The following TMEM45B variants were observed in gnomAD, a reference collection of about 807,000 sequenced individuals.
TMEM45B encodes the protein transmembrane protein 45B.
A neutral mutation model predicts 27.3 loss-of-function variants in TMEM45B; 29 were observed. The ratio of observed to expected loss-of-function variants is 1.06; its 90% CI spans 0.79 to 1.45. TMEM45B has a LOEUF of 1.45. TMEM45B is among the 40% of genes most tolerant of loss of function. The pLI, the probability that TMEM45B is intolerant of heterozygous loss-of-function variation, is 0.00. For missense variants in TMEM45B, 348 were observed against 343.9 expected (o/e 1.01, Z -0.09); for synonymous variants, 143 against 134.7 (o/e 1.06, Z -0.43).
chr11:129,843,319 A>T (rs1947718576), intron 1 of TMEM45B, among the ~76,000 whole-genome samples: 1 of 152,198 alleles, frequency 6.6e-6, no homozygotes, highest in Non-Finnish European at 1.5e-5. Flanking sequence ...TTTGTAGTTT[A>T]TCTGCTATCG....
At chr11:129,853,831 G>A (rs748384681) in intron 2 of TMEM45B, among the ~76,000 whole-genome samples, 53 of 152,204 alleles carry the variant, frequency 3.5e-4, no homozygotes, top group Non-Finnish European at 6.3e-4. Context: ...CTGGGAAACG[G>A]AGTCCAAAAT....
At chr11:129,826,738 C>T (rs1453457783) in intron 1 of TMEM45B, among the ~76,000 whole-genome samples, 9 of 145,222 alleles carry the variant, frequency 6.2e-5, no homozygotes, top group Admixed American at 3.5e-4. Flanking sequence ...GACGGAGTCT[C>T]GATCTGTCAC....
intron 1 of TMEM45B, among the ~76,000 whole-genome samples, chr11:129,825,055 A>G (rs930764194): frequency 1.3e-5 from 2 of 152,214 alleles, no homozygotes; most frequent in African/African-American, 2.4e-5. Flanking sequence ...TGGTTAGCCA[A>G]TGGAACATTT....
intron 1 of TMEM45B, among the ~76,000 whole-genome samples, chr11:129,819,379 G>A (rs951708364): frequency 6.6e-6 from 1 of 152,120 alleles, no homozygotes; most frequent in African/African-American, 2.4e-5. Context: ...CTGGGAAAGG[G>A]GTTCCGATAT....
At chr11:129,826,863 A>T (rs1287842732) in intron 1 of TMEM45B, among the ~76,000 whole-genome samples, 1 of 151,634 alleles carries the variant, frequency 6.6e-6, no homozygotes, top group Non-Finnish European at 1.5e-5. Flanking sequence ...ACCCACCACC[A>T]TGCCCGGCTA....
chr11:129,830,005 C>T (rs1472312210), intron 1 of TMEM45B, among the ~76,000 whole-genome samples: 1 of 152,140 alleles, frequency 6.6e-6, no homozygotes, highest in Non-Finnish European at 1.5e-5. Context: ...AAGTTGGATC[C>T]CTACCTCACA....
At chr11:129,853,263 G>A (rs692327) in intron 2 of TMEM45B, among the ~76,000 whole-genome samples, 80,194 of 152,094 alleles carry the variant, frequency 0.53, 21,240 homozygotes, top group Middle Eastern at 0.57. Context: ...GCTCCACTGC[G>A]GCCCTCCAGG....
At chr11:129,843,467 T>A (rs1252692242) in intron 1 of TMEM45B, among the ~76,000 whole-genome samples, 1 of 152,206 alleles carries the variant, frequency 6.6e-6, no homozygotes, top group Non-Finnish European at 1.5e-5. Flanking sequence ...GTATTTGCAG[T>A]TTTGATTTCT....
chr11:129,857,515 A>G (rs1947947783), intron 5 of TMEM45B, 57 bp downstream of exon 5: 1 of 1,597,538 alleles, frequency 6.3e-7, no homozygotes, highest in Non-Finnish European at 8.6e-7. Flanking sequence ...GACTGATGTG[A>G]TTAACTTGCA....
At chr11:129,844,371 C>CAGG (rs1295608695) in intron 1 of TMEM45B, among the ~76,000 whole-genome samples, 1 of 152,080 alleles carries the variant, frequency 6.6e-6, no homozygotes, top group Non-Finnish European at 1.5e-5. Context: ...ACCTAATGTA[C>CAGG]AGGAGGGTGA....
intron 1 of TMEM45B, among the ~76,000 whole-genome samples, chr11:129,820,043 G>A (rs532660906): frequency 6.6e-5 from 10 of 152,088 alleles, no homozygotes; most frequent in Non-Finnish European, 1.3e-4. Flanking sequence ...GCCAGACACA[G>A]TGGCTCACGC....
intron 1 of TMEM45B, among the ~76,000 whole-genome samples, chr11:129,833,494 G>T (rs1947579184): frequency 6.6e-6 from 1 of 151,980 alleles, no homozygotes; most frequent in South Asian, 2.1e-4. Flanking sequence ...GAACTTTAGG[G>T]CCAGGCGCAG....
chr11:129,823,340 G>A (rs1461654267), intron 1 of TMEM45B, among the ~76,000 whole-genome samples: 5 of 152,032 alleles, frequency 3.3e-5, no homozygotes, highest in South Asian at 2.1e-4. Flanking sequence ...GATAGGAATC[G>A]TTCCTGCTTT....
Position 129,858,820 on chromosome 11 carries a change from G to A in TMEM45B, c.*135G>A. ...CACCTCCTCATTCAACACAGGGCTGGAGGTTCTACAACAGGAAATCAGGCC... is the reference window on the plus strand; with the variant it reads ...CACCTCCTCATTCAACACAGGGCTGAAGGTTCTACAACAGGAAATCAGGCC... On this transcript the variant is annotated 3_prime_UTR_variant, in exon 6 of 6. Transcript: ENST00000281441. 1 of 593,546 alleles carries A rather than the reference G, an allele frequency of 1.7e-6. No homozygotes were observed. The highest frequency in any genetic ancestry group is 2.9e-6 in the Non-Finnish European group (1 of 347,290). The allele number at this position is 593,546 out of a possible 1,614,324, so 36.8% of individuals were successfully genotyped here.
intron 5 of TMEM45B, 125 bp from the exon 6 acceptor site, chr11:129,858,449 T>C (rs567538718): frequency 1.1e-5 from 7 of 613,890 alleles, no homozygotes; most frequent in African/African-American, 9.3e-5. Flanking sequence ...TTTATAGACA[T>C]GTAATCACAG....
In TMEM45B at chr11:129,820,758, T is replaced by C. The variant is rs1158534337; in HGVS notation, c.-9+4860T>C. On this transcript the variant is annotated intron_variant, in intron 1 of 5. Coordinates refer to ENST00000281441, the MANE Select transcript of TMEM45B (RefSeq NM_138788.5). ...TACTTTATTTTTTAATTATCTGCTT[T>C]GGTCAACATAAATCAATGTATAGTC... 1.3e-4 allele frequency among the ~76,000 whole-genome samples: 20 copies of C among 152,360 alleles called. No individual in the cohort carries two copies. The South Asian group carries it at 3.3e-3, about 25-fold the overall frequency.
At position 129,854,737 on chromosome 11, in the gene TMEM45B, T is replaced by G; in HGVS notation, c.306T>G (p.Val102=). 1 of 1,614,232 alleles carries G rather than the reference T, an allele frequency of 6.2e-7. No homozygotes were observed. The highest frequency in any genetic ancestry group is 2.2e-5 in the East Asian group (1 of 44,882). ...MYLFFAVSGI[V]DMLTYLVSHV... ...TATTCTTTGCAGTCTCAGGAATTGT[T>G]GACATGCTCACCTATCTGGTCAGCC... The change falls in exon 3 of 6, where the codon GTT becomes GTG. Residue 102 remains valine (V), a synonymous_variant. Transcript: ENST00000281441.
chr11:129,841,198 A>G (rs1591443349), intron 1 of TMEM45B, among the ~76,000 whole-genome samples: 1 of 152,276 alleles, frequency 6.6e-6, no homozygotes, highest in Non-Finnish European at 1.5e-5. Context: ...GGGGCTGGCC[A>G]TGAAAACTGC....
chr11:129,840,867 A>G (rs1003713186), intron 1 of TMEM45B, among the ~76,000 whole-genome samples: 1 of 151,394 alleles, frequency 6.6e-6, no homozygotes, highest in Non-Finnish European at 1.5e-5. Context: ...AACAAGAGCG[A>G]AACTCCATCT....
Sources: allele counts gnomAD v4.1 joint callset (sites outside exome capture counted in the v4.1 genomes callset), GRCh38; gene constraint gnomAD v4.1.1; transcripts MANE v1.5; gene names NCBI Gene and HGNC (gene_info 2026-07-23, HGNC 2026-07-21).